The following DAB1 variants were observed in gnomAD, a reference collection of about 807,000 sequenced individuals.
The protein encoded by DAB1 is disabled homolog 1.
In DAB1, 15 loss-of-function variants were observed where a neutral mutation model predicts 64.6. The observed-to-expected ratio is 0.23, with a 90% CI of 0.16 to 0.36. DAB1 has a LOEUF of 0.36. Among genes scored for constraint, DAB1 ranks in the 10% least tolerant of loss-of-function variants. DAB1 has a pLI of 1.00. For synonymous variants in DAB1, 235 were observed against 251.9 expected, an observed-to-expected ratio of 0.93 and a Z score of 0.64; for missense variants, 596 against 706.7, an observed-to-expected ratio of 0.84 and a Z score of 1.78.
At chr1:58,153,923 C>A (rs923334592) in intron 4 of DAB1, among the ~76,000 whole-genome samples, 4 of 150,204 alleles carry the variant, frequency 2.7e-5, no homozygotes, top group Non-Finnish European at 5.9e-5. Flanking sequence ...GGACTCCCCC[C>A]AAAACTACTG....
Position 57,062,924 on chromosome 1 carries a change from T to C in DAB1, c.683A>G (p.Lys228Arg). ...TTTTGGCACATCATAAACACCTTCC[T>C]TCTTTTGGCTGGTGGGAACCTATGG... is the stretch of plus-strand genomic sequence containing the variant. ...NIYQVPTSQK[K>R]EGVYDVPKSQ... Residue 228 changes from lysine (K) to arginine (R), a missense_variant, in exon 9 of 15, where the codon AAG becomes AGG. Lys to Arg is a conservative substitution (Grantham distance 26). This residue lies in a region of DAB1 where 176 missense variants were observed against 266.7 expected (regional missense o/e 0.66). Transcript: ENST00000371236. 1 of 1,614,156 alleles carries C rather than the reference T, an allele frequency of 6.2e-7. No individual in the cohort carries two copies.
intron 7 of DAB1, among the ~76,000 whole-genome samples, chr1:57,569,180 C>T (rs988606993): frequency 7.4e-6 from 1 of 134,608 alleles, no homozygotes; most frequent in African/African-American, 2.8e-5. Flanking sequence ...ATGGCGTGAA[C>T]CCCAGGGGGC....
Position 57,030,078 on chromosome 1 carries a change from T to C in DAB1, c.724-4035A>G, listed in dbSNP as rs1170078857. 7.2e-5 allele frequency among the ~76,000 whole-genome samples: 11 copies of C among 152,172 alleles called. 1 individual carries two copies. Among genetic ancestry groups the C allele is most frequent in the Admixed American group, 7.2e-4 (11 of 15,276 alleles). ...TTTTATCTCCCAGAATTCCCATTTGTTGTGGGAGGGACCCAGGGGGAGTTA... is the reference window on the plus strand; with the variant it reads ...TTTTATCTCCCAGAATTCCCATTTGCTGTGGGAGGGACCCAGGGGGAGTTA... On this transcript the variant is annotated intron_variant, in intron 9 of 14. Coordinates refer to ENST00000371236, the MANE Select transcript of DAB1 (RefSeq NM_001365792.1).
At chr1:57,008,755 C>T (rs1221724879) in intron 14 of DAB1, among the ~76,000 whole-genome samples, 2 of 152,122 alleles carry the variant, frequency 1.3e-5, no homozygotes, top group African/African-American at 4.8e-5. Context: ...GCTAGATACT[C>T]AACATAAACT....
intron 2 of DAB1, among the ~76,000 whole-genome samples, chr1:57,190,334 G>C (rs1433616515): frequency 2.0e-5 from 3 of 152,118 alleles, no homozygotes; most frequent in African/African-American, 7.2e-5. Context: ...GCCAAGTGTT[G>C]GCACCTTATA....
intron 7 of DAB1, among the ~76,000 whole-genome samples, chr1:57,529,527 A>G (rs1301215289): frequency 6.6e-6 from 1 of 152,108 alleles, no homozygotes; most frequent in Non-Finnish European, 1.5e-5. Context: ...AATTGAAAGA[A>G]TGAAAAGCTA....
intron 6 of DAB1, among the ~76,000 whole-genome samples, chr1:57,816,705 T>G (rs1296154443): frequency 6.6e-6 from 1 of 152,198 alleles, no homozygotes; most frequent in East Asian, 1.9e-4. Context: ...CTCACTTTTA[T>G]AAAAGCCTTC....
chr1:58,409,836 G>A (rs1450164835), intron 3 of DAB1, among the ~76,000 whole-genome samples: 1 of 152,180 alleles, frequency 6.6e-6, no homozygotes, highest in Non-Finnish European at 1.5e-5. Context: ...TTAGCCAAGG[G>A]ACCTGGGAAC....
chr1:57,069,402 G>A lies in DAB1; in HGVS notation c.621C>T (p.His207=), dbSNP rs200048299. Residue 207 remains histidine (H), a synonymous_variant, in exon 8 of 15, where the codon CAC becomes CAT. Coordinates refer to ENST00000371236, the MANE Select transcript of DAB1 (RefSeq NM_001365792.1). The part of the protein sequence containing the change: ...VYQYIVFEAG[H]EPIRDPETEE... Reference sequence around the variant, plus strand: ...CCGTTTCGGGATCACGGATTGGCTCGTGTCCAGCCTCAAACACAATGTACT... The same window carrying A: ...CCGTTTCGGGATCACGGATTGGCTCATGTCCAGCCTCAAACACAATGTACT... The A allele has an allele frequency of 4.1e-4, 664 of 1,613,242 alleles. 3 individuals are homozygous for A. Among genetic ancestry groups the A allele is most frequent in the Non-Finnish European group, 3.7e-4 (434 of 1,179,504 alleles).
intron 4 of DAB1, among the ~76,000 whole-genome samples, chr1:58,209,922 C>T (rs982835922): frequency 2.6e-5 from 4 of 152,074 alleles, no homozygotes; most frequent in Non-Finnish European, 4.4e-5. Context: ...GAGAAAGTTT[C>T]CCTTATCTTT....
At chr1:57,573,260 A>G (rs1645213310) in intron 7 of DAB1, among the ~76,000 whole-genome samples, 1 of 151,916 alleles carries the variant, frequency 6.6e-6, no homozygotes, top group Non-Finnish European at 1.5e-5. Flanking sequence ...CTGGTTTTTA[A>G]AAAAAACTTT....
intron 6 of DAB1, among the ~76,000 whole-genome samples, chr1:57,660,926 CT>C (rs1361585675): frequency 6.6e-6 from 1 of 152,178 alleles, no homozygotes; most frequent in African/African-American, 2.4e-5. Context: ...CCCTAGTAAA[CT>C]TTCCACATGC....
chr1:57,946,439 A>G (rs561117557), intron 5 of DAB1, among the ~76,000 whole-genome samples: 12 of 152,322 alleles, frequency 7.9e-5, no homozygotes, highest in African/African-American at 2.9e-4. Flanking sequence ...TTGTGCTGCC[A>G]TTTATATTTT....
chr1:57,946,085 A>G (rs987634982), intron 5 of DAB1, among the ~76,000 whole-genome samples: 1 of 152,222 alleles, frequency 6.6e-6, no homozygotes, highest in African/African-American at 2.4e-5. Context: ...AGTGACAGAT[A>G]CAGAACTGGG....
chr1:57,513,830 T>A (rs953087200), intron 7 of DAB1, among the ~76,000 whole-genome samples: 8 of 152,202 alleles, frequency 5.3e-5, no homozygotes, highest in Non-Finnish European at 8.8e-5. Flanking sequence ...TTGACCAATA[T>A]CTCTCCAACA....
chr1:58,045,987 A>T (rs1647240243), intron 5 of DAB1, among the ~76,000 whole-genome samples: 1 of 150,856 alleles, frequency 6.6e-6, no homozygotes, highest in South Asian at 2.1e-4. Context: ...AATGGAGACT[A>T]AAATTTTCAG....
At chr1:57,461,323 C>T (rs1287049406) in intron 7 of DAB1, among the ~76,000 whole-genome samples, 11 of 152,138 alleles carry the variant, frequency 7.2e-5, no homozygotes, top group African/African-American at 2.4e-4. Flanking sequence ...GGTGATGCTC[C>T]GTTTTAATGC....
intron 7 of DAB1, among the ~76,000 whole-genome samples, chr1:57,566,395 A>G (rs1427387061): frequency 1.3e-5 from 2 of 152,336 alleles, no homozygotes; most frequent in Non-Finnish European, 2.9e-5. Context: ...CACATTCAAA[A>G]GCCAGCAGAA....
At position 57,164,961 on chromosome 1, in the gene DAB1, A is replaced by G. The variant is rs182802620; in HGVS notation, c.68-19532T>C. ...GGTGGCAGGGAGACAGTTACTCTGT[A>G]CTTGCTGAAGGGAAGGGATGGAGAC... On this transcript the variant is annotated intron_variant, in intron 2 of 14. Transcript: ENST00000371236. Among the ~76,000 whole-genome samples, 654 of 152,312 alleles carry G rather than the reference A, an allele frequency of 4.3e-3. 5 individuals are homozygous for G. Among genetic ancestry groups the G allele is most frequent in the Admixed American group, 8.9e-3 (136 of 15,300 alleles).
Sources: allele counts gnomAD v4.1 joint callset (sites outside exome capture counted in the v4.1 genomes callset), GRCh38; gene constraint gnomAD v4.1.1; regional missense constraint gnomAD v4.1.1; transcripts MANE v1.5; gene names NCBI Gene and HGNC (gene_info 2026-07-23, HGNC 2026-07-21).